NEK11: variants seen among roughly 807,000 people sequenced by gnomAD.
NEK11 encodes NIMA related kinase 11.
NEK11 carries 72 observed loss-of-function variants against 80.7 expected under a neutral mutation model. That is an observed-to-expected ratio of 0.89 (90% CI 0.74 to 1.08). NEK11 has a LOEUF of 1.08. Ranked by LOEUF, NEK11 falls within the 50% of genes least tolerant of loss-of-function variation. NEK11 has a pLI of 0.00. For missense variants in NEK11, 764 were observed against 763.6 expected (o/e 1.00, Z -0.01); for synonymous variants, 251 against 260.7 (o/e 0.96, Z 0.36).
chr3:131,218,589 G>A (rs2094919783), intron 14 of NEK11, among the ~76,000 whole-genome samples: 1 of 152,154 alleles, frequency 6.6e-6, no homozygotes, highest in Non-Finnish European at 1.5e-5. Flanking sequence ...ATATGTTGGA[G>A]CCCTAACCCC....
intron 5 of NEK11, among the ~76,000 whole-genome samples, chr3:131,122,026 A>G (rs2082473795): frequency 6.6e-6 from 1 of 152,226 alleles, no homozygotes; most frequent in African/African-American, 2.4e-5. Context: ...CCGGTACCTC[A>G]GTTGGAAATG....
intron 15 of NEK11, among the ~76,000 whole-genome samples, chr3:131,234,671 TTCTC>T (rs1373139547): frequency 2.6e-5 from 4 of 151,860 alleles, no homozygotes; most frequent in Non-Finnish European, 5.9e-5. Flanking sequence ...TTCTTCCCCC[TTCTC>T]TCTCTCCCAT....
chr3:131,069,353 G>A (rs1483409773), intron 3 of NEK11, among the ~76,000 whole-genome samples: 1 of 151,994 alleles, frequency 6.6e-6, no homozygotes, highest in Non-Finnish European at 1.5e-5. Flanking sequence ...GTATTTTTCT[G>A]TAATATTCAA....
At chr3:131,255,819 A>C (rs948419148) in intron 16 of NEK11, among the ~76,000 whole-genome samples, 5 of 152,288 alleles carry the variant, frequency 3.3e-5, no homozygotes, top group African/African-American at 4.8e-5. Context: ...CAAACCTTCT[A>C]CTTCTCTGTA....
At chr3:131,044,043 C>T (rs1049217492) in intron 3 of NEK11, among the ~76,000 whole-genome samples, 1 of 151,932 alleles carries the variant, frequency 6.6e-6, no homozygotes, top group African/African-American at 2.4e-5. Flanking sequence ...GAAATGAAAC[C>T]CTTTACAGAC....
intron 17 of NEK11, among the ~76,000 whole-genome samples, chr3:131,292,790 C>T (rs1195503018): frequency 6.6e-6 from 1 of 151,860 alleles, no homozygotes; most frequent in East Asian, 1.9e-4. Context: ...TCATAATTTC[C>T]CTCATATAGA....
chr3:131,175,203 T>C (rs959462245), intron 14 of NEK11: 4 of 771,000 alleles, frequency 5.2e-6, no homozygotes, highest in African/African-American at 3.8e-5. Context: ...AATTCCACTT[T>C]TAGATAGTTA....
chr3:131,234,671 T>C (rs1416051086), intron 15 of NEK11, among the ~76,000 whole-genome samples: 2 of 151,860 alleles, frequency 1.3e-5, no homozygotes, highest in Non-Finnish European at 2.9e-5. Context: ...TTCTTCCCCC[T>C]TCTCTCTCTC....
intron 14 of NEK11, among the ~76,000 whole-genome samples, chr3:131,195,032 G>A (rs2093944937): frequency 6.6e-6 from 1 of 152,130 alleles, no homozygotes; most frequent in African/African-American, 2.4e-5. Flanking sequence ...CAACGCTGAG[G>A]AGCCCTCATC....
At chr3:131,343,242 T>A (rs192736802) in intron 17 of NEK11, among the ~76,000 whole-genome samples, 41 of 152,094 alleles carry the variant, frequency 2.7e-4, no homozygotes, top group Middle Eastern at 6.8e-3. Context: ...TAGAAAGTGA[T>A]TGTGAGGTAA....
intron 14 of NEK11, among the ~76,000 whole-genome samples, chr3:131,195,533 G>T (rs9830112): frequency 0.47 from 71,072 of 151,548 alleles, 17,891 homozygotes; most frequent in Middle Eastern, 0.66. Context: ...GGTCCTATTT[G>T]CAGAGAATCC....
At chr3:131,333,148 T>A (rs1160894090) in intron 17 of NEK11, among the ~76,000 whole-genome samples, 3 of 151,930 alleles carry the variant, frequency 2.0e-5, no homozygotes, top group Admixed American at 6.6e-5. Flanking sequence ...GAAGAGCAAC[T>A]CCAAGACACA....
At chr3:131,220,258 T>TA (rs908193616) in intron 14 of NEK11, among the ~76,000 whole-genome samples, 8 of 151,810 alleles carry the variant, frequency 5.3e-5, no homozygotes, top group African/African-American at 1.7e-4. Context: ...ATGTAAAAGG[T>TA]AAAAAAAAAT....
At position 131,189,672 on chromosome 3, in the gene NEK11, G is replaced by A. The variant is rs1484312009; in HGVS notation, c.1399+18785G>A. Among the ~76,000 whole-genome samples the A allele has an allele frequency of 4.6e-5, 7 of 152,198 alleles. 1 individual carries two copies. The South Asian group carries it at 8.3e-4, about 18-fold the overall frequency. On this transcript the variant is annotated intron_variant, in intron 14 of 17. Transcript: ENST00000383366. ...ACATAAACCCTTTTATCTCATTTTT[G>A]TATAGCAGTCAAGAGAACAGGTTAT...
chr3:131,117,318 C>T (rs1329786062), intron 5 of NEK11, among the ~76,000 whole-genome samples: 1 of 152,202 alleles, frequency 6.6e-6, no homozygotes, highest in Non-Finnish European at 1.5e-5. Context: ...GGGCTCTGTT[C>T]TGTCCCATTG....
intron 15 of NEK11, among the ~76,000 whole-genome samples, chr3:131,229,215 T>G (rs985675853): frequency 6.6e-6 from 1 of 152,110 alleles, no homozygotes; most frequent in Non-Finnish European, 1.5e-5. Context: ...AGTGGTGAAG[T>G]CTCTGAGTAT....
At chr3:131,039,579 CT>C (rs377212888) in intron 3 of NEK11, among the ~76,000 whole-genome samples, 1 of 152,266 alleles carries the variant, frequency 6.6e-6, no homozygotes, top group African/African-American at 2.4e-5. Context: ...GATCTGGTTC[CT>C]TTTTGACGCA....
intron 5 of NEK11, among the ~76,000 whole-genome samples, chr3:131,125,492 C>A (rs976637521): frequency 6.6e-6 from 1 of 152,022 alleles, no homozygotes; most frequent in African/African-American, 2.4e-5. Context: ...AGGTGAATGT[C>A]TTTATTGGTA....
intron 12 of NEK11, among the ~76,000 whole-genome samples, chr3:131,167,315 T>C (rs55793103): frequency 0.011 from 1,748 of 152,272 alleles, 44 homozygotes; most frequent in African/African-American, 0.039. Context: ...TAAGGGATTT[T>C]CCCCCTAAGA....
Sources: allele counts gnomAD v4.1 joint callset (sites outside exome capture counted in the v4.1 genomes callset), GRCh38; gene constraint gnomAD v4.1.1; transcripts MANE v1.5; gene names NCBI Gene and HGNC (gene_info 2026-07-23, HGNC 2026-07-21).